Variants in GABRG3 observed in about 807,000 individuals in gnomAD.
The protein encoded by GABRG3 is gamma-aminobutyric acid receptor subunit gamma-3.
GABRG3 carries 25 observed loss-of-function variants against 48.8 expected under a neutral mutation model. That is an observed-to-expected ratio of 0.51 (90% CI 0.37 to 0.72). The LOEUF is 0.72. Ranked by LOEUF, GABRG3 falls within the 30% of genes least tolerant of loss-of-function variation. The pLI is 0.00. For synonymous variants in GABRG3, 227 were observed against 217.6 expected, an observed-to-expected ratio of 1.04 and a Z score of -0.38; for missense variants, 394 against 577.9, an observed-to-expected ratio of 0.68 and a Z score of 3.26.
chr15:27,413,335 A>T (rs1373797414), intron 5 of GABRG3, among the ~76,000 whole-genome samples: 1 of 152,342 alleles, frequency 6.6e-6, no homozygotes, highest in East Asian at 1.9e-4. Flanking sequence ...TGTAGAAGTA[A>T]AGCTTGACCA....
intron 5 of GABRG3, among the ~76,000 whole-genome samples, chr15:27,462,646 A>G (rs1014591153): frequency 6.6e-6 from 1 of 152,214 alleles, no homozygotes; most frequent in African/African-American, 2.4e-5. Context: ...AACTTCTCCT[A>G]TCACTTGATA....
intron 3 of GABRG3, among the ~76,000 whole-genome samples, chr15:27,134,514 G>A (rs1266208650): frequency 1.3e-5 from 2 of 152,152 alleles, no homozygotes; most frequent in African/African-American, 4.8e-5. Context: ...GGGCTCTGCA[G>A]TGTGACACCC....
At chr15:27,209,600 C>G (rs1046638594) in intron 3 of GABRG3, among the ~76,000 whole-genome samples, 2 of 152,170 alleles carry the variant, frequency 1.3e-5, no homozygotes, top group Non-Finnish European at 2.9e-5. Context: ...ACACATGAGC[C>G]CATTCCCTTG....
intron 3 of GABRG3, among the ~76,000 whole-genome samples, chr15:27,117,254 A>G (rs1362818448): frequency 6.6e-6 from 1 of 152,146 alleles, no homozygotes; most frequent in Non-Finnish European, 1.5e-5. Context: ...TTGAAACTTT[A>G]TTCTTGTCTT....
chr15:27,451,510 T>G (rs1889110874), intron 5 of GABRG3, among the ~76,000 whole-genome samples: 2 of 152,138 alleles, frequency 1.3e-5, no homozygotes, highest in African/African-American at 4.8e-5. Context: ...AATTGGACCC[T>G]TATCTCACAC....
intron 3 of GABRG3, among the ~76,000 whole-genome samples, chr15:27,306,310 A>G (rs866602500): frequency 1.5e-5 from 2 of 135,504 alleles, no homozygotes; most frequent in Non-Finnish European, 3.0e-5. Context: ...CATATATATA[A>G]TATAAACATG....
At chr15:27,372,397 T>G (rs1350548535) in intron 5 of GABRG3, among the ~76,000 whole-genome samples, 1 of 152,126 alleles carries the variant, frequency 6.6e-6, no homozygotes, top group African/African-American at 2.4e-5. Context: ...ATTTATTTAT[T>G]TATTTAGTTT....
At chr15:27,135,412 G>A (rs556253939) in intron 3 of GABRG3, among the ~76,000 whole-genome samples, 16 of 152,222 alleles carry the variant, frequency 1.1e-4, no homozygotes, top group Admixed American at 2.0e-4. Context: ...CATAAGCAGC[G>A]AGGGGAATTC....
chr15:27,057,084 T>G (rs149488373), intron 3 of GABRG3, among the ~76,000 whole-genome samples: 265 of 152,302 alleles, frequency 1.7e-3, no homozygotes, highest in Non-Finnish European at 3.3e-3. Context: ...GAAATAAACC[T>G]TCCAACAGTG....
intron 3 of GABRG3, among the ~76,000 whole-genome samples, chr15:27,316,268 G>A (rs1158877318): frequency 6.6e-6 from 1 of 150,628 alleles, no homozygotes; most frequent in Non-Finnish European, 1.5e-5. Context: ...GGCGCCTGTA[G>A]TCCCAGCTAC....
At chr15:27,177,367 A>G (rs570086026) in intron 3 of GABRG3, among the ~76,000 whole-genome samples, 4 of 152,368 alleles carry the variant, frequency 2.6e-5, no homozygotes, top group African/African-American at 9.6e-5. Context: ...ACCTCCAGCT[A>G]CATGACTCTT....
chr15:27,491,614 A>G (rs1029220123), intron 6 of GABRG3, among the ~76,000 whole-genome samples: 1 of 152,216 alleles, frequency 6.6e-6, no homozygotes, highest in Non-Finnish European at 1.5e-5. Flanking sequence ...CCGTAAGACC[A>G]GTATATACTT....
chr15:27,102,846 C>T (rs1897384728), intron 3 of GABRG3, among the ~76,000 whole-genome samples: 1 of 152,062 alleles, frequency 6.6e-6, no homozygotes, highest in African/African-American at 2.4e-5. Context: ...GATACTTTTT[C>T]TTCCATAGTA....
intron 2 of GABRG3, among the ~76,000 whole-genome samples, chr15:26,992,280 G>A (rs747709274): frequency 1.3e-5 from 2 of 152,126 alleles, no homozygotes; most frequent in Non-Finnish European, 2.9e-5. Flanking sequence ...AATAACAGTG[G>A]TGTAAGTAGG....
At chr15:27,059,280 C>T (rs919686315) in intron 3 of GABRG3, among the ~76,000 whole-genome samples, 1 of 152,180 alleles carries the variant, frequency 6.6e-6, no homozygotes, top group African/African-American at 2.4e-5. Flanking sequence ...AGTCTTGGGG[C>T]CACAGCCAGC....
chr15:27,094,682 A>G (rs1002916311), intron 3 of GABRG3, among the ~76,000 whole-genome samples: 1 of 152,100 alleles, frequency 6.6e-6, no homozygotes, highest in African/African-American at 2.4e-5. Context: ...CCTGTCTCTC[A>G]GAGGGTGGAG....
In GABRG3 at chr15:27,145,603, C is replaced by CTATCTCTATCTA. The variant is rs1555405976; in HGVS notation, c.270+118783_270+118784insATCTCTATCTAT. ...ACTAGGCATATATACATATATCTAT[C>CTATCTCTATCTA]TCTATCTATCTATCTATCTATCTAT... is the stretch of plus-strand genomic sequence containing the variant. On this transcript the variant is annotated intron_variant, in intron 3 of 9. Coordinates refer to ENST00000615808, the MANE Select transcript of GABRG3 (RefSeq NM_033223.5). Among the ~76,000 whole-genome samples, 9 of 102,298 alleles carry CTATCTCTATCTA rather than the reference C, an allele frequency of 8.8e-5. No individual in the cohort carries two copies. In the East Asian group the frequency reaches 1.4e-3, roughly 16 times the overall value. 67.1% of individuals were successfully genotyped at this position (102,298 alleles called of 152,430 possible).
At chr15:27,276,004 A>G (rs943244014) in intron 3 of GABRG3, among the ~76,000 whole-genome samples, 6 of 152,222 alleles carry the variant, frequency 3.9e-5, no homozygotes, top group African/African-American at 1.2e-4. Flanking sequence ...TGCAAAAAAT[A>G]TGCATGATCC....
intron 3 of GABRG3, among the ~76,000 whole-genome samples, chr15:27,258,417 T>C (rs1890683180): frequency 6.6e-6 from 1 of 152,064 alleles, no homozygotes; most frequent in South Asian, 2.1e-4. Flanking sequence ...TGGTTCTGAG[T>C]GACCCATGCA....
Sources: gnomAD v4.1 joint callset for allele counts (sites outside exome capture counted in the v4.1 genomes callset) on GRCh38, gnomAD v4.1.1 for gene constraint, MANE v1.5 for transcripts, NCBI Gene and HGNC (gene_info 2026-07-23, HGNC 2026-07-21) for gene names.